Variants in FAM135B observed in about 807,000 individuals in gnomAD.
FAM135B encodes protein FAM135B.
FAM135B carries 43 observed loss-of-function variants against 127.7 expected under a neutral mutation model. That is an observed-to-expected ratio of 0.34 (90% CI 0.26 to 0.43). The LOEUF is 0.43. Among genes scored for constraint, FAM135B ranks in the 20% least tolerant of loss-of-function variants. The pLI is 1.00. For missense variants in FAM135B, 1,558 were observed against 1,725.6 expected, an observed-to-expected ratio of 0.90 and a Z score of 1.72; for synonymous variants, 670 against 665.1, an observed-to-expected ratio of 1.01 and a Z score of -0.11.
intron 1 of FAM135B, among the ~76,000 whole-genome samples, chr8:138,451,837 T>C (rs1280324098): frequency 6.6e-6 from 1 of 152,158 alleles, no homozygotes; most frequent in African/African-American, 2.4e-5. Flanking sequence ...TATGGATGGA[T>C]GGGTGAACAA....
intron 1 of FAM135B, among the ~76,000 whole-genome samples, chr8:138,495,841 T>C (rs1226683678): frequency 6.6e-6 from 1 of 152,146 alleles, no homozygotes; most frequent in Non-Finnish European, 1.5e-5. Flanking sequence ...TGGAAAACAA[T>C]GCCCCCTGGT....
intron 9 of FAM135B, among the ~76,000 whole-genome samples, chr8:138,184,738 C>T (rs1165455936): frequency 2.0e-5 from 3 of 152,026 alleles, no homozygotes; most frequent in African/African-American, 7.2e-5. Flanking sequence ...TGCTGGATGT[C>T]CACCTAAAGG....
chr8:138,384,781 G>T (rs1321326616), intron 1 of FAM135B, among the ~76,000 whole-genome samples: 1 of 151,906 alleles, frequency 6.6e-6, no homozygotes, highest in Non-Finnish European at 1.5e-5. Context: ...CTAGCAATTG[G>T]TCACCTCCTG....
At chr8:138,291,793 T>C (rs960457453) in intron 3 of FAM135B, among the ~76,000 whole-genome samples, 1 of 152,140 alleles carries the variant, frequency 6.6e-6, no homozygotes, top group African/African-American at 2.4e-5. Context: ...ATAAAGATCA[T>C]ATATTTCAAG....
chr8:138,230,824 A>C (rs1272914942), intron 7 of FAM135B, among the ~76,000 whole-genome samples: 2 of 152,094 alleles, frequency 1.3e-5, no homozygotes, highest in African/African-American at 2.4e-5. Flanking sequence ...TTGGAGTCCA[A>C]GTTGGTAGTT....
chr8:138,310,990 A>G, intron 2 of FAM135B, 70 bp from the exon 3 acceptor site: 1 of 1,291,398 alleles, frequency 7.7e-7, no homozygotes, highest in Non-Finnish European at 1.1e-6. Flanking sequence ...AAATACCTAG[A>G]ATTAATCCTG....
At chr8:138,180,784 G>A (rs1206029478) in intron 9 of FAM135B, among the ~76,000 whole-genome samples, 1 of 152,180 alleles carries the variant, frequency 6.6e-6, no homozygotes, top group Non-Finnish European at 1.5e-5. Flanking sequence ...GGTAAGATAA[G>A]TCTGTGATGA....
chr8:138,273,916 C>T (rs1823598058), intron 3 of FAM135B, among the ~76,000 whole-genome samples: 1 of 152,128 alleles, frequency 6.6e-6, no homozygotes, highest in African/African-American at 2.4e-5. Context: ...GCTCTCTACG[C>T]CACCTACAAG....
intron 1 of FAM135B, among the ~76,000 whole-genome samples, chr8:138,370,720 G>C (rs751263122): frequency 6.6e-5 from 10 of 152,164 alleles, no homozygotes; most frequent in Non-Finnish European, 1.3e-4. Context: ...AAAGTGCTGG[G>C]ATTACAGGCA....
Position 138,497,075 on chromosome 8 carries a change from G to T in FAM135B, c.-424C>A, listed in dbSNP as rs1459991232. Among the ~76,000 whole-genome samples, 2 of 151,704 alleles carry T rather than the reference G, an allele frequency of 1.3e-5. No homozygotes were observed. Among genetic ancestry groups the T allele is most frequent in the African/African-American group, 2.4e-5 (1 of 41,390 alleles). ...AGGACCGACCGGCTGCGCCCGCGCC[G>T]CTGGGCTGGCGCCTCCCGGGCTGCG... On this transcript the variant is annotated 5_prime_UTR_variant, in exon 1 of 20. Transcript: ENST00000395297.
At chr8:138,426,272 G>A (rs1834886297) in intron 1 of FAM135B, among the ~76,000 whole-genome samples, 2 of 150,710 alleles carry the variant, frequency 1.3e-5, no homozygotes, top group Admixed American at 1.3e-4. Flanking sequence ...ATCATAATAT[G>A]GCACTTCATA....
intron 15 of FAM135B, 53 bp from the exon 16 acceptor site, chr8:138,143,162 C>T (rs1586584968): frequency 1.0e-6 from 1 of 976,264 alleles, no homozygotes; most frequent in African/African-American, 1.6e-5. Flanking sequence ...GGGGGCTGGG[C>T]TTTGTGCACA....
At chr8:138,186,895 G>C (rs2131047476) in intron 9 of FAM135B, among the ~76,000 whole-genome samples, 1 of 152,348 alleles carries the variant, frequency 6.6e-6, no homozygotes, top group South Asian at 2.1e-4. Flanking sequence ...AGGTGGCCTT[G>C]TGTTTAGGCC....
chr8:138,279,078 G>A (rs185386397), intron 3 of FAM135B, among the ~76,000 whole-genome samples: 9 of 152,242 alleles, frequency 5.9e-5, no homozygotes, highest in African/African-American at 1.9e-4. Context: ...TGACCAATCC[G>A]TAAATCTTTT....
rs7842531 is a variant in FAM135B, at chr8:138,301,170, A to T, written c.157+9671T>A. ...TGGGCCACACATTGAGGAACTCTGC[A>T]CTATGCGATGTGGACCCACATGCTG... On this transcript the variant is annotated intron_variant, in intron 3 of 19. Transcript: ENST00000395297. 5.3e-5 allele frequency among the ~76,000 whole-genome samples: 8 copies of T among 152,216 alleles called. No individual in the cohort carries two copies. The South Asian group carries it at 1.5e-3, about 28-fold the overall frequency.
At chr8:138,429,452 GACGA>G (rs1835078834) in intron 1 of FAM135B, among the ~76,000 whole-genome samples, 1 of 152,130 alleles carries the variant, frequency 6.6e-6, no homozygotes, top group Admixed American at 6.6e-5. Flanking sequence ...AGCCCCATGT[GACGA>G]ACTCTATTTT....
At chr8:138,436,021 T>C (rs1168666282) in intron 1 of FAM135B, among the ~76,000 whole-genome samples, 2 of 152,216 alleles carry the variant, frequency 1.3e-5, no homozygotes, top group Non-Finnish European at 2.9e-5. Flanking sequence ...ATACTATCTG[T>C]GACAGCCTAT....
intron 1 of FAM135B, among the ~76,000 whole-genome samples, chr8:138,459,789 G>T (rs1477864310): frequency 1.3e-5 from 2 of 152,140 alleles, no homozygotes; most frequent in Non-Finnish European, 2.9e-5. Context: ...CTATGGCAAA[G>T]GGAACTGGAG....
intron 7 of FAM135B, among the ~76,000 whole-genome samples, chr8:138,203,068 T>C (rs558174897): frequency 6.6e-6 from 1 of 152,328 alleles, no homozygotes; most frequent in South Asian, 2.1e-4. Flanking sequence ...GTTTAGTACT[T>C]GATAACTGTT....
Sources: allele counts gnomAD v4.1 joint callset (sites outside exome capture counted in the v4.1 genomes callset), GRCh38; gene constraint gnomAD v4.1.1; transcripts MANE v1.5; gene names NCBI Gene and HGNC (gene_info 2026-07-23, HGNC 2026-07-21).